FBXO17: variants seen among roughly 807,000 people sequenced by gnomAD.
FBXO17 encodes F-box protein 17, also known as F-box only protein 17.
FBXO17 carries 43 observed loss-of-function variants against 34.1 expected under a neutral mutation model. The observed-to-expected ratio is 1.26, with a 90% confidence interval of 0.99 to 1.62. FBXO17 has a LOEUF of 1.62. Ranked by LOEUF, FBXO17 falls within the 40% of genes most tolerant of loss-of-function variation. The pLI, the probability that FBXO17 is intolerant of heterozygous loss-of-function variation, is 0.00. For missense variants in FBXO17, 424 were observed against 386.7 expected (o/e 1.10, Z -0.81); for synonymous variants, 169 against 166.0 (o/e 1.02, Z -0.14).
chr19:38,962,839 C>T (rs550288129), intron 1 of FBXO17, among the ~76,000 whole-genome samples: 224 of 152,038 alleles, frequency 1.5e-3, no homozygotes, highest in Non-Finnish European at 2.6e-3. Context: ...GCCTCAGCCT[C>T]CTTGAGTAGC....
intron 1 of FBXO17, among the ~76,000 whole-genome samples, chr19:38,966,319 G>A (rs1288515439): frequency 6.6e-6 from 1 of 151,550 alleles, no homozygotes; most frequent in African/African-American, 2.4e-5. Flanking sequence ...GTGTGTGTGT[G>A]TGGAGATGGG....
chr19:38,948,293 A>T (rs1975016894), intron 3 of FBXO17, among the ~76,000 whole-genome samples: 1 of 152,178 alleles, frequency 6.6e-6, no homozygotes, highest in South Asian at 2.1e-4. Context: ...CTGTCTTTAG[A>T]TCAAAGCTGT....
At chr19:38,949,631 C>T (rs1011908786) in intron 2 of FBXO17, among the ~76,000 whole-genome samples, 1 of 151,966 alleles carries the variant, frequency 6.6e-6, no homozygotes, top group Non-Finnish European at 1.5e-5. Context: ...TGGGCTTAAG[C>T]GATCCTCCTG....
rs537552992 is a variant in FBXO17, at chr19:38,950,074, C to T, written c.246G>A (p.Leu82=). 6 of 1,568,132 alleles carry T rather than the reference C, an allele frequency of 3.8e-6. No homozygotes were observed. In the South Asian group the frequency reaches 4.7e-5, roughly 12 times the overall value. The stretch of plus-strand genomic sequence containing the variant: ...ACTCCTCCTTGTCTTCGTTGCTGGG[C>T]AGGCAGCGTTGAGCCACTGCGTAGA... ...RALYAVAQRC[L]PSNEDKEEFP... is the part of the protein sequence containing the mutation. The change falls in exon 2 of 6, where the codon CTG becomes CTA. Residue 82 remains leucine, a synonymous_variant. Transcript: ENST00000292852.
chr19:38,946,536 C>T lies in FBXO17; in HGVS notation c.493G>A (p.Val165Met). ...AGCTCCTGCCACACCCCTTCCATCA[C>T]CAGGTCCACAAGCTGCCTCTTGGAG... ...WCSKRQLVDL[V>M]MEGVWQELLD... Residue 165 changes from valine to methionine, a missense_variant, in exon 4 of 6, where the codon GTG (valine) becomes ATG (methionine). Val to Met is a conservative substitution (Grantham distance 21, BLOSUM62 1). Transcript: ENST00000292852. The T allele has an allele frequency of 6.2e-7, 1 of 1,614,052 alleles. No individual in the cohort carries two copies.
intron 1 of FBXO17, among the ~76,000 whole-genome samples, chr19:38,950,899 C>T (rs1184088461): frequency 6.6e-6 from 1 of 152,136 alleles, no homozygotes; most frequent in Admixed American, 6.5e-5. Flanking sequence ...TCAAGCGATT[C>T]TCCTGCCTCA....
rs1002199853 is a variant in FBXO17 at position 38,965,695 on chromosome 19, C to T, written c.-18+9891G>A. ...CTAATTTTTGTATTTTTAGTAGAGA[C>T]GAGGTTTCGCCATGTTGGCCAGGCT... On this transcript the variant is annotated intron_variant, in intron 1 of 5. Coordinates refer to ENST00000292852, the MANE Select transcript of FBXO17 (RefSeq NM_024907.7). 4.7e-4 allele frequency among the ~76,000 whole-genome samples: 72 copies of T among 152,028 alleles called. 1 individual carries two copies. Among genetic ancestry groups the T allele is most frequent in the Admixed American group, 3.3e-4 (5 of 15,244 alleles).
chr19:38,972,469 C>T (rs949311205), intron 1 of FBXO17, among the ~76,000 whole-genome samples: 1 of 149,206 alleles, frequency 6.7e-6, no homozygotes, highest in African/African-American at 2.4e-5. Context: ...TGCTTGAACC[C>T]AGGAGGTCAA....
chr19:38,949,874 G>A, intron 2 of FBXO17, 97 bp downstream of exon 2: 1 of 1,354,486 alleles, frequency 7.4e-7, no homozygotes, highest in South Asian at 1.6e-5. Context: ...CAGCGGTCTC[G>A]CCCATTGGCT....
At position 38,968,549 on chromosome 19, in the gene FBXO17, C is replaced by T. The variant is rs184619801; in HGVS notation, c.-18+7037G>A. ...ACTTATATGAAACCTAGCAATTCTA[C>T]GACTAGATTATCTACCCAAGAGAAA... On this transcript the variant is annotated intron_variant, in intron 1 of 5. Transcript: ENST00000292852. Among the ~76,000 whole-genome samples, 11 of 151,618 alleles carry T rather than the reference C, an allele frequency of 7.3e-5. No individual in the cohort carries two copies. In the East Asian group the frequency reaches 1.9e-3, roughly 27 times the overall value.
At chr19:38,958,362 T>G (rs2144829546) in intron 1 of FBXO17, among the ~76,000 whole-genome samples, 1 of 137,986 alleles carries the variant, frequency 7.2e-6, no homozygotes, top group East Asian at 2.2e-4. Context: ...AAGCTGAGAT[T>G]GTGCCACTGC....
In FBXO17 at chr19:38,952,029, C is replaced by A. The variant is rs373769864; in HGVS notation, c.-17-1693G>T. Among the ~76,000 whole-genome samples the A allele has an allele frequency of 2.3e-4, 35 of 151,820 alleles. No individual in the cohort carries two copies. In the East Asian group the frequency reaches 2.5e-3, roughly 11 times the overall value. On this transcript the variant is annotated intron_variant, in intron 1 of 5. Transcript: ENST00000292852. Reference sequence around the variant, plus strand: ...GCAGTGGCACAATCTTGGCTCACTGCGACCTCCGCCTCCCGGGTTCAAGCG... The same window carrying A: ...GCAGTGGCACAATCTTGGCTCACTGAGACCTCCGCCTCCCGGGTTCAAGCG...
chr19:38,958,190 T>C (rs554868456), intron 1 of FBXO17, among the ~76,000 whole-genome samples: 1 of 150,846 alleles, frequency 6.6e-6, no homozygotes, highest in African/African-American at 2.4e-5. Flanking sequence ...GGTGGGTGGA[T>C]CACCTGAGGT....
At chr19:38,944,276 T>C (rs2144807257) in intron 5 of FBXO17, among the ~76,000 whole-genome samples, 1 of 150,994 alleles carries the variant, frequency 6.6e-6, no homozygotes, top group East Asian at 1.9e-4. Context: ...ATTATTATTA[T>C]TATTATTTTT....
intron 1 of FBXO17, among the ~76,000 whole-genome samples, chr19:38,969,778 A>G (rs1371884855): frequency 6.6e-6 from 1 of 151,906 alleles, no homozygotes; most frequent in Non-Finnish European, 1.5e-5. Context: ...TTGTATTTTT[A>G]GTAGAGACAG....
chr19:38,949,659 G>A, intron 2 of FBXO17: 4 of 498,130 alleles, frequency 8.0e-6, no homozygotes, highest in Non-Finnish European at 1.4e-5. Flanking sequence ...CTCCCAAAGC[G>A]TTGCCATTCC....
At position 38,942,756 on chromosome 19, in the gene FBXO17, A is replaced by T; in HGVS notation, c.694-5T>A. 6.2e-7 allele frequency: 1 copy of T among 1,600,126 alleles called. No individual in the cohort carries two copies. The highest frequency in any genetic ancestry group is 8.5e-7 in the Non-Finnish European group (1 of 1,174,580). On this transcript the variant is annotated splice_polypyrimidine_tract_variant and splice_region_variant and intron_variant, in intron 5 of 5. Transcript: ENST00000292852. ...GTTGGTGAAGACGTGGGAGACCTGC[A>T]GGGGGAAGGGGAGTGAGAGGGTGAG...
At chr19:38,950,924 TG>T (rs1975073538) in intron 1 of FBXO17, among the ~76,000 whole-genome samples, 1 of 152,116 alleles carries the variant, frequency 6.6e-6, no homozygotes, top group Non-Finnish European at 1.5e-5. Flanking sequence ...CCCGAGTAGC[TG>T]GAACTACAGG....
intron 1 of FBXO17, among the ~76,000 whole-genome samples, chr19:38,961,985 A>T (rs1251236964): frequency 6.6e-6 from 1 of 151,740 alleles, no homozygotes; most frequent in African/African-American, 2.4e-5. Flanking sequence ...TATAAATTCA[A>T]TTTTTCTTTT....
Sources: allele counts gnomAD v4.1 joint callset (sites outside exome capture counted in the v4.1 genomes callset), GRCh38; gene constraint gnomAD v4.1.1; transcripts MANE v1.5; gene names NCBI Gene and HGNC (gene_info 2026-07-23, HGNC 2026-07-21).